Variants in GNAI1 observed in about 807,000 individuals in gnomAD.
GNAI1 encodes the protein guanine nucleotide-binding protein G(i) subunit alpha-1.
Under a neutral mutation model 38.9 loss-of-function variants are expected in GNAI1, and 11 were observed. That is an observed-to-expected ratio of 0.28 (90% confidence interval 0.18 to 0.47). The LOEUF (loss-of-function observed/expected upper bound fraction) is 0.47. Among genes scored for constraint, GNAI1 ranks in the 20% least tolerant of loss-of-function variants. GNAI1 has a pLI of 0.99. For missense variants in GNAI1, 317 were observed against 436.9 expected (o/e 0.73, Z 2.45); for synonymous variants, 166 against 145.1 (o/e 1.14, Z -1.04).
At chr7:80,174,817 C>A (rs1032706586) in intron 1 of GNAI1, among the ~76,000 whole-genome samples, 1 of 152,118 alleles carries the variant, frequency 6.6e-6, no homozygotes, top group African/African-American at 2.4e-5. Context: ...TCTTGAGGTG[C>A]TTTACCCCAT....
chr7:80,206,460 A>G (rs1361324132), intron 5 of GNAI1, among the ~76,000 whole-genome samples: 2 of 152,074 alleles, frequency 1.3e-5, no homozygotes, highest in Non-Finnish European at 2.9e-5. Context: ...TAAATAAACA[A>G]ACTCAGTACT....
rs1789056899 is a variant in GNAI1, at chr7:80,220,629, T to C, written c.*3136T>C. ...TCAGTAACCTTCTAAAAGTCTACTT[T>C]TTTATGCCTAATCTAGTTTAATCGA... is the stretch of plus-strand genomic sequence containing the variant. On this transcript the variant is annotated 3_prime_UTR_variant, in exon 8 of 8. Coordinates refer to ENST00000649796, the MANE Select transcript of GNAI1 (RefSeq NM_002069.6). Among the ~76,000 whole-genome samples, 1 of 152,218 alleles carries C rather than the reference T, an allele frequency of 6.6e-6. No homozygotes were observed. The highest frequency in any genetic ancestry group is 6.5e-5 in the Admixed American group (1 of 15,276).
At chr7:80,142,084 C>T (rs1787536797) in intron 1 of GNAI1, among the ~76,000 whole-genome samples, 1 of 152,292 alleles carries the variant, frequency 6.6e-6, no homozygotes, top group Admixed American at 6.5e-5. Context: ...CTGGGAGAGA[C>T]ATTAACATCG....
At chr7:80,139,146 T>TAGC (rs10634389) in intron 1 of GNAI1, among the ~76,000 whole-genome samples, 31,080 of 152,058 alleles carry the variant, frequency 0.2, 3,763 homozygotes, top group African/African-American at 0.34. Context: ...TACCTTGTAT[T>TAGC]AGTTACTTTA....
chr7:80,196,104 G>C (rs17153557), intron 3 of GNAI1, among the ~76,000 whole-genome samples: 1 of 151,828 alleles, frequency 6.6e-6, no homozygotes, highest in Non-Finnish European at 1.5e-5. Context: ...CCTGACCACC[G>C]CTTGGAATGA....
At position 80,211,038 on chromosome 7, in the gene GNAI1, G is replaced by C. The variant is rs528240663; in HGVS notation, c.660G>C (p.Ala220=). The C allele has an allele frequency of 6.2e-7, 1 of 1,613,216 alleles. No individual in the cohort carries two copies. The highest frequency in any genetic ancestry group is 1.3e-5 in the African/African-American group (1 of 75,026). The change falls in exon 6 of 8, where the codon GCG becomes GCC. Residue 220 remains alanine, a synonymous_variant. Coordinates refer to ENST00000649796, the MANE Select transcript of GNAI1 (RefSeq NM_002069.6). ...KWIHCFEGVT[A]IIFCVALSDY... is the part of the protein sequence containing the mutation. Reference sequence around the variant, plus strand: ...TTCATTGCTTCGAAGGAGTGACGGCGATCATCTTCTGTGTAGCACTGAGTG... The same window carrying C: ...TTCATTGCTTCGAAGGAGTGACGGCCATCATCTTCTGTGTAGCACTGAGTG...
At chr7:80,187,458 A>G (rs1416768605) in intron 1 of GNAI1, 1 of 152,252 alleles carries the variant, frequency 6.6e-6, no homozygotes, top group Non-Finnish European at 1.5e-5. Flanking sequence ...GGAGAGGTTG[A>G]CAAAGGAGGT....
chr7:80,186,416 TC>T (rs770596343), intron 1 of GNAI1, among the ~76,000 whole-genome samples: 3 of 152,244 alleles, frequency 2.0e-5, no homozygotes, highest in Non-Finnish European at 4.4e-5. Flanking sequence ...AAGCTAAGCG[TC>T]CCATGTTCCC....
rs898559998 is a variant in GNAI1, at chr7:80,223,757, A to G, written c.*6264A>G. On this transcript the variant is annotated 3_prime_UTR_variant, in exon 8 of 8. Coordinates refer to ENST00000649796, the MANE Select transcript of GNAI1 (RefSeq NM_002069.6). ...TTTTAAGTGACCAATTGTCCTAGCA[A>G]TCTACTTCACAAGGCAATTTACCTG... 6.6e-6 allele frequency among the ~76,000 whole-genome samples: 1 copy of G among 152,184 alleles called. No homozygotes were observed. Among genetic ancestry groups the G allele is most frequent in the African/African-American group, 2.4e-5 (1 of 41,420 alleles).
At chr7:80,157,973 T>G (rs1787848465) in intron 1 of GNAI1, among the ~76,000 whole-genome samples, 1 of 152,188 alleles carries the variant, frequency 6.6e-6, no homozygotes. Flanking sequence ...CCTCCCAAAG[T>G]GCTGGGATTA....
At chr7:80,191,131 T>C (rs180778296) in intron 3 of GNAI1, among the ~76,000 whole-genome samples, 6 of 152,192 alleles carry the variant, frequency 3.9e-5, no homozygotes, top group African/African-American at 1.2e-4. Flanking sequence ...CCATCATCAT[T>C]AACTCATTCA....
chr7:80,144,573 G>T (rs1584004231), intron 1 of GNAI1, among the ~76,000 whole-genome samples: 1 of 152,074 alleles, frequency 6.6e-6, no homozygotes, highest in African/African-American at 2.4e-5. Context: ...TGTTACCCTT[G>T]CCTCACTAAA....
rs1229710390 is a variant in GNAI1 at position 80,223,130 on chromosome 7, ATTG to A, written c.*5640_*5642del. 2.0e-5 allele frequency among the ~76,000 whole-genome samples: 3 copies of A among 152,206 alleles called. No individual in the cohort carries two copies. The highest frequency in any genetic ancestry group is 7.2e-5 in the African/African-American group (3 of 41,448). On this transcript the variant is annotated 3_prime_UTR_variant, in exon 8 of 8. Transcript: ENST00000649796. ...TTTCGCACCAATGTAAAGTTGAAAA[ATTG>A]TTAAGTTGGACCATCATACGTTGGG... is the stretch of plus-strand genomic sequence containing the variant.
At chr7:80,173,248 A>T (rs1584026387) in intron 1 of GNAI1, among the ~76,000 whole-genome samples, 1 of 152,350 alleles carries the variant, frequency 6.6e-6, no homozygotes, top group Non-Finnish European at 1.5e-5. Context: ...TGAAGATGAC[A>T]GCACAAAAAT....
intron 7 of GNAI1, among the ~76,000 whole-genome samples, chr7:80,217,005 A>G (rs1047051923): frequency 1.3e-5 from 2 of 152,156 alleles, no homozygotes; most frequent in Non-Finnish European, 2.9e-5. Context: ...ATAAGAGGAT[A>G]AAAGATCTGG....
chr7:80,156,024 C>T (rs1170721654), intron 1 of GNAI1, among the ~76,000 whole-genome samples: 2 of 120,362 alleles, frequency 1.7e-5, no homozygotes, highest in African/African-American at 6.7e-5. Flanking sequence ...GCCTGGGCAA[C>T]AGAGCAAGAC....
In GNAI1 at chr7:80,218,977, T is replaced by A. The variant is rs974609084; in HGVS notation, c.*1484T>A. On this transcript the variant is annotated 3_prime_UTR_variant, in exon 8 of 8. Transcript: ENST00000649796. ...AAAAGGTTAGTCTTTCAGTACACGT[T>A]GCTGGTAAGTAGTTTCCAAGTTACG... 4 of 152,290 alleles carry A rather than the reference T, an allele frequency of 2.6e-5. No homozygotes were observed. The highest frequency in any genetic ancestry group is 5.9e-5 in the Non-Finnish European group (4 of 68,048). The allele number at this position is 152,290 out of a possible 1,614,324, so 9.4% of individuals were successfully genotyped here. A position where few individuals can be genotyped will look rare whatever the true frequency, so the allele number is the denominator to read the frequency against.
chr7:80,207,500 T>G (rs571775681), intron 5 of GNAI1, among the ~76,000 whole-genome samples: 1 of 152,236 alleles, frequency 6.6e-6, no homozygotes, highest in East Asian at 1.9e-4. Flanking sequence ...ATTTGGTGAC[T>G]TAAAGATAAA....
At chr7:80,160,898 T>C (rs1787913423) in intron 1 of GNAI1, among the ~76,000 whole-genome samples, 1 of 152,204 alleles carries the variant, frequency 6.6e-6, no homozygotes, top group Non-Finnish European at 1.5e-5. Context: ...AATGTAATAG[T>C]TGGCATTGTG....
Sources: gnomAD v4.1 joint callset for allele counts (sites outside exome capture counted in the v4.1 genomes callset) on GRCh38, gnomAD v4.1.1 for gene constraint, MANE v1.5 for transcripts, NCBI Gene and HGNC (gene_info 2026-07-23, HGNC 2026-07-21) for gene names.